Variants in ANO2 observed in about 807,000 individuals in gnomAD.
The protein encoded by ANO2 is anoctamin-2.
A neutral mutation model predicts 124.2 loss-of-function variants in ANO2; 101 were observed. The ratio of observed to expected loss-of-function variants is 0.81; its 90% confidence interval spans 0.69 to 0.96. ANO2 has a LOEUF of 0.96. ANO2 is among the 40% of genes least tolerant of loss of function. The pLI is 0.00. For synonymous variants in ANO2, 486 were observed against 482.5 expected, an observed-to-expected ratio of 1.01 and a Z score of -0.09; for missense variants, 1,293 against 1,274.5, an observed-to-expected ratio of 1.01 and a Z score of -0.22.
intron 16 of ANO2, among the ~76,000 whole-genome samples, chr12:5,625,665 C>T (rs538254058): frequency 2.6e-5 from 4 of 152,268 alleles, no homozygotes; most frequent in African/African-American, 9.6e-5. Flanking sequence ...TTGTTTGAAC[C>T]GAGAATCATC....
At chr12:5,811,113 A>C (rs1953374927) in intron 7 of ANO2, among the ~76,000 whole-genome samples, 1 of 152,212 alleles carries the variant, frequency 6.6e-6, no homozygotes, top group Non-Finnish European at 1.5e-5. Context: ...CATTCCCTCC[A>C]GGCCAAACTC....
intron 1 of ANO2, among the ~76,000 whole-genome samples, chr12:5,943,277 T>TTGTGTGTGTGTGTGTG (rs138167836): frequency 2.0e-5 from 3 of 148,368 alleles, no homozygotes; most frequent in African/African-American, 7.5e-5. Flanking sequence ...GAGTGTGTGT[T>TTGTGTGTGTGTGTGTG]TGTGTGTGTG....
intron 7 of ANO2, among the ~76,000 whole-genome samples, chr12:5,827,263 G>A (rs1953983433): frequency 6.6e-6 from 1 of 152,158 alleles, no homozygotes; most frequent in African/African-American, 2.4e-5. Context: ...AGATTCAGCC[G>A]GATATGGTGA....
In ANO2 at chr12:5,784,480, T is replaced by C. The variant is rs76920900; in HGVS notation, c.1055+15027A>G. 7.2e-5 allele frequency among the ~76,000 whole-genome samples: 11 copies of C among 152,366 alleles called. No individual in the cohort carries two copies. The East Asian group carries it at 1.9e-3, about 27-fold the overall frequency. On this transcript the variant is annotated intron_variant, in intron 10 of 24. Transcript: ENST00000682330. ...ACTGAATGATGAGTGAGTTAATGACTGAGCCAGTTATACCACATGGGTGGC... is the reference window on the plus strand; with the variant it reads ...ACTGAATGATGAGTGAGTTAATGACCGAGCCAGTTATACCACATGGGTGGC...
chr12:5,620,521 A>G (rs1195411444), intron 16 of ANO2, among the ~76,000 whole-genome samples: 1 of 152,078 alleles, frequency 6.6e-6, no homozygotes, highest in East Asian at 1.9e-4. Context: ...GTTGAATTGG[A>G]ATTCTATAGG....
intron 13 of ANO2, chr12:5,732,851 C>T (rs1042196626): frequency 1.9e-6 from 3 of 1,613,860 alleles, no homozygotes; most frequent in African/African-American, 2.7e-5. Flanking sequence ...CTCGTTATCA[C>T]ACTGAAAACC....
intron 17 of ANO2, among the ~76,000 whole-genome samples, chr12:5,613,162 A>G (rs1944630308): frequency 6.6e-6 from 1 of 152,170 alleles, no homozygotes; most frequent in African/African-American, 2.4e-5. Flanking sequence ...TTCTTAACCC[A>G]GTCAAATGTC....
At chr12:5,686,204 A>G (rs1948700556) in intron 14 of ANO2, among the ~76,000 whole-genome samples, 4 of 152,104 alleles carry the variant, frequency 2.6e-5, no homozygotes, top group African/African-American at 7.2e-5. Context: ...CAACATGAAA[A>G]GCATACTTGT....
chr12:5,858,994 G>A (rs1490118851), intron 3 of ANO2, among the ~76,000 whole-genome samples: 2 of 152,188 alleles, frequency 1.3e-5, no homozygotes, highest in Admixed American at 6.5e-5. Flanking sequence ...TCAAAATACA[G>A]TGCATCTCCA....
chr12:5,683,864 C>A (rs1175317507), intron 14 of ANO2, among the ~76,000 whole-genome samples: 6 of 152,060 alleles, frequency 3.9e-5, no homozygotes, highest in Non-Finnish European at 7.4e-5. Flanking sequence ...GCACACTGGG[C>A]TGACCAGGTA....
chr12:5,702,598 C>T (rs948607302), intron 14 of ANO2, among the ~76,000 whole-genome samples: 1 of 151,576 alleles, frequency 6.6e-6, no homozygotes, highest in East Asian at 1.9e-4. Flanking sequence ...ACCATCATAC[C>T]GAAAACAATG....
chr12:5,594,889 G>A (rs534056358), intron 20 of ANO2, among the ~76,000 whole-genome samples: 7 of 152,216 alleles, frequency 4.6e-5, no homozygotes, highest in South Asian at 2.1e-4. Context: ...CAGGAGACTC[G>A]CTGCACTTGC....
intron 15 of ANO2, among the ~76,000 whole-genome samples, chr12:5,645,880 G>A (rs1946613304): frequency 6.6e-6 from 1 of 152,172 alleles, no homozygotes; most frequent in South Asian, 2.1e-4. Flanking sequence ...CACAACCTGA[G>A]GTTCCCTGAT....
At chr12:5,751,940 C>T (rs532234112) in intron 10 of ANO2, among the ~76,000 whole-genome samples, 4 of 152,216 alleles carry the variant, frequency 2.6e-5, no homozygotes, top group South Asian at 2.1e-4. Flanking sequence ...ATGAGTTTGA[C>T]GGTTTTAGAT....
chr12:5,784,891 C>T (rs1049302183), intron 10 of ANO2, among the ~76,000 whole-genome samples: 1 of 152,164 alleles, frequency 6.6e-6, no homozygotes, highest in Non-Finnish European at 1.5e-5. Context: ...TCTCCCCTGC[C>T]GAGTTTGCTC....
At position 5,615,192 on chromosome 12, in the gene ANO2, T is replaced by G; in HGVS notation, c.1922A>C (p.Lys641Thr). The G allele has an allele frequency of 6.2e-7, 1 of 1,613,010 alleles. No homozygotes were observed. The highest frequency in any genetic ancestry group is 1.1e-5 in the South Asian group (1 of 90,752). Residue 641 changes from lysine to threonine, a missense_variant, in exon 17 of 25, where the codon AAA becomes ACA. By Grantham distance (78) the Lys-to-Thr change is moderately conservative. Transcript: ENST00000682330. Reference sequence around the variant, plus strand: ...ATGACACCATTATACTCACCTCCCTTTGAAAAAGGCCACATAGAAGATGGG... The same window carrying G: ...ATGACACCATTATACTCACCTCCCTGTGAAAAAGGCCACATAGAAGATGGG... ...YSPIFYVAFFKGRFVGRPGSY... is the reference protein window; with the variant it reads ...YSPIFYVAFFTGRFVGRPGSY...
At chr12:5,659,394 C>T (rs1162270491) in intron 14 of ANO2, among the ~76,000 whole-genome samples, 2 of 152,158 alleles carry the variant, frequency 1.3e-5, no homozygotes, top group Non-Finnish European at 2.9e-5. Flanking sequence ...CACACCCAGC[C>T]TCTCTGGAGC....
intron 10 of ANO2, among the ~76,000 whole-genome samples, chr12:5,753,173 T>C (rs776051204): frequency 6.6e-6 from 1 of 152,196 alleles, no homozygotes; most frequent in Non-Finnish European, 1.5e-5. Flanking sequence ...TTTAAGGGTT[T>C]CAATATTCAT....
At chr12:5,647,607 T>G in intron 15 of ANO2, 120 bp downstream of exon 15, 1 of 848,362 alleles carries the variant, frequency 1.2e-6, no homozygotes, top group Non-Finnish European at 1.9e-6. Flanking sequence ...TACACAGGAC[T>G]GTGGCTTCCC....
Sources: gnomAD v4.1 joint callset for allele counts (sites outside exome capture counted in the v4.1 genomes callset) on GRCh38, gnomAD v4.1.1 for gene constraint, MANE v1.5 for transcripts, NCBI Gene and HGNC (gene_info 2026-07-23, HGNC 2026-07-21) for gene names.